The following LEF1 variants were observed in gnomAD, a reference collection of about 807,000 sequenced individuals.
LEF1 encodes lymphoid enhancer-binding factor 1.
LEF1 carries 14 observed loss-of-function variants against 51.2 expected under a neutral mutation model. The observed-to-expected ratio is 0.27, with a 90% confidence interval of 0.18 to 0.43. LEF1 has a LOEUF of 0.43. Among genes scored for constraint, LEF1 ranks in the 20% least tolerant of loss-of-function variants. The pLI is 1.00. For missense variants in LEF1, 386 were observed against 512.0 expected, an observed-to-expected ratio of 0.75 and a Z score of 2.37; for synonymous variants, 185 against 183.2, an observed-to-expected ratio of 1.01 and a Z score of -0.08.
rs1239693866 is a variant in LEF1, at chr4:108,083,384, C to A, written c.610G>T (p.Val204Phe). ...CCAAGAGGTGGGGTGATCTGTCCAA[C>A]ACCACCCGGAGACAAGGGATAAAAA... ...PTFYPLSPGG[V>F]GQITPPLGWQ... The change falls in exon 5 of 12, where the codon GTT becomes TTT. Residue 204 changes from valine (V) to phenylalanine (F), a missense_variant. This residue lies in a region of LEF1 where 335 missense variants were observed against 390.7 expected (regional missense o/e 0.86). Transcript: ENST00000265165. The A allele has an allele frequency of 6.2e-7, 1 of 1,613,646 alleles. No individual in the cohort carries two copies. Among genetic ancestry groups the A allele is most frequent in the East Asian group, 2.2e-5 (1 of 44,870 alleles).
intron 3 of LEF1, among the ~76,000 whole-genome samples, chr4:108,133,512 T>C (rs942260426): frequency 6.6e-6 from 1 of 152,304 alleles, no homozygotes; most frequent in Middle Eastern, 3.4e-3. Context: ...GAGAAACCTC[T>C]GTTGGAGCTC....
At chr4:108,075,250 T>C (rs978840178) in intron 8 of LEF1, 1 of 152,208 alleles carries the variant, frequency 6.6e-6, no homozygotes, top group Non-Finnish European at 1.5e-5. Context: ...AATAGCTGCA[T>C]TTTGAGGCTA....
intron 3 of LEF1, among the ~76,000 whole-genome samples, chr4:108,149,587 AT>A (rs1394006923): frequency 6.6e-6 from 1 of 150,912 alleles, no homozygotes; most frequent in Non-Finnish European, 1.5e-5. Flanking sequence ...TAAAGTGTGT[AT>A]ATATTTGTGT....
chr4:108,113,093 C>T (rs1401523214), intron 3 of LEF1, among the ~76,000 whole-genome samples: 2 of 152,188 alleles, frequency 1.3e-5, no homozygotes, highest in African/African-American at 4.8e-5. Context: ...GTGAAACAGA[C>T]AGGGTGTGTT....
chr4:108,064,364 C>T lies in LEF1; in HGVS notation c.1137G>A (p.Lys379=). 1 of 1,611,944 alleles carries T rather than the reference C, an allele frequency of 6.2e-7. No homozygotes were observed. Among genetic ancestry groups the T allele is most frequent in the Non-Finnish European group, 8.5e-7 (1 of 1,178,110 alleles). The part of the protein sequence containing the change: ...RDNYGKKKKR[K]REKLQESASG... ...ATGCAGATTCCTGTAGTTTCTCTCT[C>T]TTCCTCTTCTTTTTCTTACCCTGGA... Residue 379 remains lysine (K), a synonymous_variant, in exon 10 of 12, where the codon AAG becomes AAA. Transcript: ENST00000265165.
intron 3 of LEF1, among the ~76,000 whole-genome samples, chr4:108,105,980 A>G (rs1423658800): frequency 6.6e-6 from 1 of 152,190 alleles, no homozygotes. Context: ...TATTCAGACA[A>G]GTCAGGCAGC....
intron 3 of LEF1, among the ~76,000 whole-genome samples, chr4:108,162,753 C>A (rs1016098560): frequency 4.6e-5 from 7 of 152,018 alleles, no homozygotes; most frequent in African/African-American, 1.4e-4. Context: ...GTAAAAAGTC[C>A]GTCACCAACG....
At chr4:108,079,944 T>C (rs534143129) in intron 6 of LEF1, among the ~76,000 whole-genome samples, 17 of 152,336 alleles carry the variant, frequency 1.1e-4, no homozygotes, top group Admixed American at 3.9e-4. Flanking sequence ...TGTTTTAAAA[T>C]CTCTGCCTAT....
chr4:108,144,995 G>A (rs1743913397), intron 3 of LEF1, among the ~76,000 whole-genome samples: 1 of 151,628 alleles, frequency 6.6e-6, no homozygotes, highest in East Asian at 1.9e-4. Context: ...GGAACAAATA[G>A]GAATAGGGTT....
At chr4:108,166,373 G>A (rs1250893283) in intron 1 of LEF1, 3 of 1,478,740 alleles carry the variant, frequency 2.0e-6, no homozygotes, top group Admixed American at 5.1e-5. Flanking sequence ...TTCTTTTTGG[G>A]GGTAGAAAGA....
chr4:108,067,055 G>A (rs1166124332), intron 9 of LEF1, among the ~76,000 whole-genome samples: 1 of 152,156 alleles, frequency 6.6e-6, no homozygotes, highest in Non-Finnish European at 1.5e-5. Flanking sequence ...GTACAGTACT[G>A]TTATTTAAAG....
intron 3 of LEF1, among the ~76,000 whole-genome samples, chr4:108,158,989 T>C (rs1317135288): frequency 6.6e-6 from 1 of 152,180 alleles, no homozygotes; most frequent in African/African-American, 2.4e-5. Context: ...GTGGTCTTTT[T>C]TTTTTAAGAC....
At chr4:108,117,278 T>C (rs1237029475) in intron 3 of LEF1, among the ~76,000 whole-genome samples, 1 of 152,208 alleles carries the variant, frequency 6.6e-6, no homozygotes, top group Admixed American at 6.5e-5. Context: ...TATTTTATAA[T>C]CTAATTTACT....
At chr4:108,098,035 G>T (rs1249052016) in intron 3 of LEF1, among the ~76,000 whole-genome samples, 5 of 152,112 alleles carry the variant, frequency 3.3e-5, no homozygotes, top group Admixed American at 2.0e-4. Context: ...GGTTGGTTCA[G>T]GGGGGACAAA....
At chr4:108,088,099 TTAAA>T (rs1739767109) in intron 4 of LEF1, among the ~76,000 whole-genome samples, 2 of 152,186 alleles carry the variant, frequency 1.3e-5, no homozygotes, top group African/African-American at 4.8e-5. Context: ...AACTAAGTCT[TTAAA>T]TAAGCATTCT....
intron 9 of LEF1, among the ~76,000 whole-genome samples, chr4:108,064,659 A>T (rs1023985994): frequency 0.017 from 135 of 7,846 alleles, 1 homozygote; most frequent in South Asian, 0.16. Flanking sequence ...TCTCACTCAC[A>T]CACACACACA....
rs536394051 is a variant in LEF1 at position 108,063,476 on chromosome 4, T to G, written c.*6+147A>C. ...CATAGCCGGTATAAAAACCATCAGA[T>G]TTTTTAAAGCACTAATTTGATTTTG... On this transcript the variant is annotated intron_variant, in intron 11 of 11. Coordinates refer to ENST00000265165, the MANE Select transcript of LEF1 (RefSeq NM_016269.5). 29 of 681,386 alleles carry G rather than the reference T, an allele frequency of 4.3e-5. No individual in the cohort carries two copies. The African/African-American group carries it at 5.2e-4, about 12-fold the overall frequency. The allele number at this position is 681,386 out of a possible 1,614,324, so 42.2% of individuals were successfully genotyped here.
rs1461963031 is a variant in LEF1, at chr4:108,083,397, C to A, written c.597G>T (p.Leu199Phe). The A allele has an allele frequency of 1.3e-5, 21 of 1,613,806 alleles. No individual in the cohort carries two copies. Among genetic ancestry groups the A allele is most frequent in the Non-Finnish European group, 1.8e-5 (21 of 1,179,802 alleles). Reference sequence around the variant, plus strand: ...TGATCTGTCCAACACCACCCGGAGACAAGGGATAAAAAGTAGGGATATCAG... The same window carrying A: ...TGATCTGTCCAACACCACCCGGAGAAAAGGGATAAAAAGTAGGGATATCAG... ...PAPDIPTFYPLSPGGVGQITP... is the reference protein window; with the variant it reads ...PAPDIPTFYPFSPGGVGQITP... Residue 199 changes from leucine (L) to phenylalanine (F), a missense_variant, in exon 5 of 12, where the codon TTG becomes TTT. Leu to Phe is a conservative substitution (Grantham distance 22). Coordinates refer to ENST00000265165, the MANE Select transcript of LEF1 (RefSeq NM_016269.5).
At chr4:108,132,659 C>CTTT (rs749911957) in intron 3 of LEF1, among the ~76,000 whole-genome samples, 5,183 of 47,310 alleles carry the variant, frequency 0.11, 1,842 homozygotes, top group Middle Eastern at 0.25. Flanking sequence ...GAAAATCTGC[C>CTTT]TTTTTTTTTT....
Sources: allele counts gnomAD v4.1 joint callset (sites outside exome capture counted in the v4.1 genomes callset), GRCh38; gene constraint gnomAD v4.1.1; regional missense constraint gnomAD v4.1.1; transcripts MANE v1.5; gene names NCBI Gene and HGNC (gene_info 2026-07-23, HGNC 2026-07-21).